The following CDKAL1 variants were observed in gnomAD, a reference collection of about 807,000 sequenced individuals.
CDKAL1 encodes CDKAL1 threonylcarbamoyladenosine tRNA methylthiotransferase.
In CDKAL1, 32 loss-of-function variants were observed where a neutral mutation model predicts 68.2. That is an observed-to-expected ratio of 0.47 (90% confidence interval 0.35 to 0.63). The LOEUF (loss-of-function observed/expected upper bound fraction) is 0.63, where lower values mean the gene tolerates loss of function less well. Ranked by LOEUF, CDKAL1 falls within the 30% of genes least tolerant of loss-of-function variation. The pLI, the probability that CDKAL1 is intolerant of heterozygous loss-of-function variation, is 0.00. For synonymous variants in CDKAL1, 234 were observed against 244.3 expected (o/e 0.96, Z 0.39); for missense variants, 606 against 696.7 (o/e 0.87, Z 1.47).
intron 4 of CDKAL1, among the ~76,000 whole-genome samples, chr6:20,602,249 CT>C (rs1766135833): frequency 6.6e-6 from 1 of 152,180 alleles, no homozygotes; most frequent in Admixed American, 6.5e-5. Context: ...TTCTGCTTCC[CT>C]TTATTTATCA....
intron 4 of CDKAL1, among the ~76,000 whole-genome samples, chr6:20,551,958 G>A (rs1207196112): frequency 1.3e-5 from 2 of 151,420 alleles, no homozygotes; most frequent in African/African-American, 4.9e-5. Context: ...CAAGCTCCTG[G>A]GCTCAAGTGG....
intron 4 of CDKAL1, among the ~76,000 whole-genome samples, chr6:20,616,909 G>A (rs1038157110): frequency 3.4e-5 from 5 of 148,886 alleles, no homozygotes; most frequent in African/African-American, 1.2e-4. Context: ...ACATGATGGT[G>A]TGCACCTGTA....
At chr6:20,794,187 C>T (rs1179198780) in intron 8 of CDKAL1, among the ~76,000 whole-genome samples, 3 of 151,596 alleles carry the variant, frequency 2.0e-5, no homozygotes, top group African/African-American at 7.3e-5. Context: ...TCTTTTGAGC[C>T]CACACTTTTG....
intron 4 of CDKAL1, among the ~76,000 whole-genome samples, chr6:20,588,571 G>C (rs1253270757): frequency 6.6e-6 from 1 of 152,100 alleles, no homozygotes; most frequent in Non-Finnish European, 1.5e-5. Context: ...TTCTATTTCA[G>C]GTTTTCCCTC....
chr6:20,857,938 C>T (rs1469585257), intron 9 of CDKAL1, among the ~76,000 whole-genome samples: 1 of 152,190 alleles, frequency 6.6e-6, no homozygotes, highest in Non-Finnish European at 1.5e-5. Flanking sequence ...TGGCTCACTG[C>T]AACCTCTTCC....
intron 9 of CDKAL1, among the ~76,000 whole-genome samples, chr6:20,849,379 C>G (rs930991622): frequency 6.6e-6 from 1 of 152,044 alleles, no homozygotes; most frequent in African/African-American, 2.4e-5. Flanking sequence ...GTCAGGAGAT[C>G]GAGACCATCC....
chr6:20,837,919 G>A (rs1287579085), intron 8 of CDKAL1, among the ~76,000 whole-genome samples: 1 of 148,704 alleles, frequency 6.7e-6, no homozygotes, highest in East Asian at 2.0e-4. Flanking sequence ...AACAGTTAGG[G>A]GTGGAGCTGG....
intron 13 of CDKAL1, among the ~76,000 whole-genome samples, chr6:21,142,331 A>G (rs568633876): frequency 1.3e-5 from 2 of 150,148 alleles, no homozygotes; most frequent in Admixed American, 1.3e-4. Flanking sequence ...AAAAAAAAAA[A>G]TCTGCTCATC....
intron 6 of CDKAL1, among the ~76,000 whole-genome samples, chr6:20,743,344 C>G (rs556573673): frequency 1.4e-4 from 22 of 152,162 alleles, no homozygotes; most frequent in African/African-American, 4.6e-4. Flanking sequence ...TTCTGTTGAC[C>G]AGGCGATTAA....
chr6:20,900,875 T>A (rs1761927054), intron 9 of CDKAL1, among the ~76,000 whole-genome samples: 1 of 152,218 alleles, frequency 6.6e-6, no homozygotes, highest in African/African-American at 2.4e-5. Flanking sequence ...TGGTGTAAAT[T>A]TGTGTCCTGA....
At chr6:20,991,337 T>C (rs1468569067) in intron 10 of CDKAL1, among the ~76,000 whole-genome samples, 1 of 152,138 alleles carries the variant, frequency 6.6e-6, no homozygotes, top group Non-Finnish European at 1.5e-5. Context: ...GTTCTGGAGA[T>C]GGACAGTGGG....
intron 9 of CDKAL1, among the ~76,000 whole-genome samples, chr6:20,871,557 T>C (rs1760215420): frequency 1.3e-5 from 2 of 152,080 alleles, no homozygotes; most frequent in Non-Finnish European, 2.9e-5. Flanking sequence ...GCTTTCTTAA[T>C]GAAGATATAA....
chr6:20,845,011 TA>T (rs754638813), intron 8 of CDKAL1, among the ~76,000 whole-genome samples: 1 of 152,218 alleles, frequency 6.6e-6, no homozygotes, highest in Admixed American at 6.5e-5. Flanking sequence ...AAATGTATGT[TA>T]CTTTACTTAA....
intron 9 of CDKAL1, among the ~76,000 whole-genome samples, chr6:20,859,432 G>A (rs937209081): frequency 7.2e-5 from 11 of 152,110 alleles, no homozygotes; most frequent in African/African-American, 2.7e-4. Flanking sequence ...AAAGAACTGC[G>A]GAATAGGAGG....
At chr6:20,888,230 GT>G (rs1761189326) in intron 9 of CDKAL1, among the ~76,000 whole-genome samples, 1 of 151,642 alleles carries the variant, frequency 6.6e-6, no homozygotes, top group Non-Finnish European at 1.5e-5. Flanking sequence ...GCAGTGTTTG[GT>G]TTTCTATCCT....
chr6:20,639,519 A>G (rs990559263), intron 4 of CDKAL1, among the ~76,000 whole-genome samples: 7 of 152,184 alleles, frequency 4.6e-5, no homozygotes, highest in South Asian at 2.1e-4. Flanking sequence ...GGCTTAAAGG[A>G]AAATACTTTA....
intron 10 of CDKAL1, among the ~76,000 whole-genome samples, chr6:20,957,285 C>G (rs1764825930): frequency 6.6e-6 from 1 of 152,162 alleles, no homozygotes; most frequent in South Asian, 2.1e-4. Context: ...TGTGTTGGCT[C>G]TGAGGTAACT....
At chr6:20,658,623 A>G (rs1769139014) in intron 5 of CDKAL1, among the ~76,000 whole-genome samples, 1 of 147,390 alleles carries the variant, frequency 6.8e-6, no homozygotes, top group African/African-American at 2.6e-5. Flanking sequence ...TGGGGGAGGT[A>G]CCAGAATATT....
intron 9 of CDKAL1, among the ~76,000 whole-genome samples, chr6:20,952,959 C>G (rs1764605849): frequency 6.6e-6 from 1 of 152,222 alleles, no homozygotes; most frequent in South Asian, 2.1e-4. Context: ...AAAAGCTGAA[C>G]TTTCTCACGT....
Sources: gnomAD v4.1 joint callset for allele counts (sites outside exome capture counted in the v4.1 genomes callset) on GRCh38, gnomAD v4.1.1 for gene constraint, MANE v1.5 for transcripts, NCBI Gene and HGNC (gene_info 2026-07-23, HGNC 2026-07-21) for gene names.